The following GNB1L variants were observed in gnomAD, a reference collection of about 807,000 sequenced individuals.
GNB1L encodes the protein guanine nucleotide-binding protein subunit beta-like protein 1.
Under a neutral mutation model 29.1 loss-of-function variants are expected in GNB1L, and 20 were observed. The observed-to-expected ratio is 0.69, with a 90% CI of 0.48 to 1.00. The LOEUF (loss-of-function observed/expected upper bound fraction) is 1.00. GNB1L is among the 50% of genes least tolerant of loss of function. The pLI is 0.00. For missense variants in GNB1L, 421 were observed against 464.9 expected (o/e 0.91, Z 0.87); for synonymous variants, 193 against 206.5 (o/e 0.93, Z 0.56).
At chr22:19,840,980 G>GT in intron 2 of GNB1L, among the ~76,000 whole-genome samples, 1 of 152,152 alleles carries the variant, frequency 6.6e-6, no homozygotes, top group East Asian at 1.9e-4. Flanking sequence ...AAAACTTAAG[G>GT]TTATCAACAA....
Position 19,785,346 on chromosome 22 carries a change from T to G in GNB1L, c.*3363A>C, listed in dbSNP as rs1054381089. On this transcript the variant is annotated 3_prime_UTR_variant, in exon 8 of 8. Coordinates refer to ENST00000329517, the MANE Select transcript of GNB1L (RefSeq NM_053004.3). The surrounding 1 kb of genome is among the most constrained non-coding windows in gnomAD (Gnocchi z 4.1). ...ATCGCTTGAACCTGGGAATCAGAGG[T>G]TGCAGTGAGCCGAGACTGCTCCATT... 4 of 152,058 alleles carry G rather than the reference T, an allele frequency of 2.6e-5. No homozygotes were observed. The highest frequency in any genetic ancestry group is 4.8e-5 in the African/African-American group (2 of 41,258). 9.4% of individuals were successfully genotyped at this position (152,058 alleles called of 1,614,324 possible).
At chr22:19,841,733 T>C (rs1199907554) in intron 2 of GNB1L, among the ~76,000 whole-genome samples, 1 of 152,010 alleles carries the variant, frequency 6.6e-6, no homozygotes, top group Non-Finnish European at 1.5e-5. Flanking sequence ...TATAAATTCA[T>C]CAACAGTGCC....
intron 2 of GNB1L, chr22:19,848,617 A>G (rs1314911394): frequency 3.0e-6 from 3 of 985,252 alleles, no homozygotes; most frequent in Non-Finnish European, 3.6e-6. Context: ...ACCACAATAA[A>G]CAGGACGCGT....
At chr22:19,851,517 C>T (rs147446411) in intron 2 of GNB1L, 11 of 1,614,018 alleles carry the variant, frequency 6.8e-6, no homozygotes, top group African/African-American at 5.3e-5. Context: ...CTTCTAGATA[C>T]AGAGTTGGAC....
chr22:19,798,122 C>T (rs927913008), intron 7 of GNB1L, among the ~76,000 whole-genome samples: 4 of 151,490 alleles, frequency 2.6e-5, no homozygotes, highest in East Asian at 1.9e-4. Flanking sequence ...CCCCACTTGG[C>T]TCCCTGTGAC....
Position 19,834,071 on chromosome 22 carries a change from G to A in GNB1L, c.-20-12696C>T, listed in dbSNP as rs116796590. On this transcript the variant is annotated intron_variant, in intron 2 of 7. Coordinates refer to ENST00000329517, the MANE Select transcript of GNB1L (RefSeq NM_053004.3). ...GAAGTAGAAGAGAGAAACAGATTTGGACCCAAAAATTAATTGAATAAATAA... is the reference window on the plus strand; with the variant it reads ...GAAGTAGAAGAGAGAAACAGATTTGAACCCAAAAATTAATTGAATAAATAA... Among the ~76,000 whole-genome samples the A allele has an allele frequency of 9.8e-3, 1,482 of 151,872 alleles. 24 individuals carry two copies. Among genetic ancestry groups the A allele is most frequent in the African/African-American group, 0.034 (1,421 of 41,436 alleles).
In GNB1L at chr22:19,783,328, G is replaced by C. The variant is rs1458311817; in HGVS notation, c.*5381C>G. 1.8e-5 allele frequency: 7 copies of C among 388,218 alleles called. No individual in the cohort carries two copies. The highest frequency in any genetic ancestry group is 3.5e-5 in the Non-Finnish European group (7 of 201,860). 24.0% of individuals were successfully genotyped at this position (388,218 alleles called of 1,614,324 possible). On this transcript the variant is annotated 3_prime_UTR_variant, in exon 8 of 8. Transcript: ENST00000329517. Reference sequence around the variant, plus strand: ...ACATTTTACAGGTTTCAGAGCCCAAGTCAGGAGGTCAAGTGTGCATGCAAG... The same window carrying C: ...ACATTTTACAGGTTTCAGAGCCCAACTCAGGAGGTCAAGTGTGCATGCAAG...
chr22:19,806,931 C>T (rs933827105), intron 5 of GNB1L, among the ~76,000 whole-genome samples, 174 bp from the exon 6 acceptor site: 7 of 152,230 alleles, frequency 4.6e-5, no homozygotes, highest in South Asian at 4.1e-4. Flanking sequence ...CCTTGCAAAA[C>T]GCTCTCACTG....
chr22:19,788,705 T>C lies in GNB1L; in HGVS notation c.*4A>G, dbSNP rs752902364. The C allele has an allele frequency of 6.2e-7, 1 of 1,611,150 alleles. No individual in the cohort carries two copies. Among genetic ancestry groups the C allele is most frequent in the African/African-American group, 1.3e-5 (1 of 74,974 alleles). ...CCTCGTCTCCCGGGAAGGGAGTGGG[T>C]GAGTCATGCGCGTGGGTAGAGTGAC... On this transcript the variant is annotated 3_prime_UTR_variant, in exon 8 of 8. Transcript: ENST00000329517.
Position 19,821,127 on chromosome 22 carries a change from C to A in GNB1L, c.128+101G>T, listed in dbSNP as rs540073842. ...AAGCCTGGGTGGCGAGCAGTCCATG[C>A]CCCTTGGCCAGCACCCTCAAACAAG... On this transcript the variant is annotated intron_variant, in intron 3 of 7. Transcript: ENST00000329517. 33 of 1,220,194 alleles carry A rather than the reference C, an allele frequency of 2.7e-5. 1 individual carries two copies. In the African/African-American group the frequency reaches 3.9e-4, roughly 14 times the overall value. The allele number at this position is 1,220,194 out of a possible 1,614,324, so 75.6% of individuals were successfully genotyped here.
chr22:19,854,714 G>C (rs1315230777), intron 1 of GNB1L, 106 bp downstream of exon 1: 1 of 152,534 alleles, frequency 6.6e-6, no homozygotes, highest in East Asian at 1.9e-4. Flanking sequence ...GGGGCTCCGA[G>C]TGCCCCTCTG....
chr22:19,819,228 C>T lies in GNB1L; in HGVS notation c.254+1370G>A, dbSNP rs534855303. Among the ~76,000 whole-genome samples, 7 of 152,374 alleles carry T rather than the reference C, an allele frequency of 4.6e-5. No homozygotes were observed. In the South Asian group the frequency reaches 8.3e-4, roughly 18 times the overall value. ...GGACTGCCAGGCCCTCTTATTCCTC[C>T]GCCACCTCCTGCTTACCCAGCAGCT... On this transcript the variant is annotated intron_variant, in intron 4 of 7. Coordinates refer to ENST00000329517, the MANE Select transcript of GNB1L (RefSeq NM_053004.3).
At chr22:19,817,627 A>G (rs967922091) in intron 4 of GNB1L, among the ~76,000 whole-genome samples, 12 of 152,264 alleles carry the variant, frequency 7.9e-5, no homozygotes, top group Admixed American at 6.5e-4. Context: ...CAAAGAAAAA[A>G]GCAGACAAAA....
At chr22:19,803,128 C>T (rs896742310) in intron 6 of GNB1L, among the ~76,000 whole-genome samples, 61 of 152,202 alleles carry the variant, frequency 4.0e-4, no homozygotes, top group African/African-American at 1.4e-3. Flanking sequence ...TAGCCAGGCC[C>T]GGAGCCCGAG....
At chr22:19,797,472 C>T (rs184592183) in intron 7 of GNB1L, among the ~76,000 whole-genome samples, 2 of 152,288 alleles carry the variant, frequency 1.3e-5, no homozygotes, top group African/African-American at 2.4e-5. Context: ...AAGAAGAAAA[C>T]CTGTATGAGT....
At position 19,803,136 on chromosome 22, in the gene GNB1L, G is replaced by A. The variant is rs180780772; in HGVS notation, c.517-920C>T. On this transcript the variant is annotated intron_variant, in intron 6 of 7. Coordinates refer to ENST00000329517, the MANE Select transcript of GNB1L (RefSeq NM_053004.3). Reference sequence around the variant, plus strand: ...ACCGGGGTAGCCAGGCCCGGAGCCCGAGGCCAACTGCCCTGACCTGGAGGG... The same window carrying A: ...ACCGGGGTAGCCAGGCCCGGAGCCCAAGGCCAACTGCCCTGACCTGGAGGG... Among the ~76,000 whole-genome samples, 287 of 152,330 alleles carry A rather than the reference G, an allele frequency of 1.9e-3. 1 individual carries two copies. The highest frequency in any genetic ancestry group is 6.6e-3 in the African/African-American group (274 of 41,574).
chr22:19,821,617 T>G (rs1393294729), intron 2 of GNB1L, among the ~76,000 whole-genome samples: 1 of 152,150 alleles, frequency 6.6e-6, no homozygotes, highest in Non-Finnish European at 1.5e-5. Flanking sequence ...CTTCCCCCAC[T>G]GCTGGGGGAA....
intron 5 of GNB1L, among the ~76,000 whole-genome samples, chr22:19,811,949 G>A (rs1003404720): frequency 7.2e-5 from 11 of 151,898 alleles, no homozygotes; most frequent in East Asian, 5.9e-4. Context: ...CTCCCCTGCC[G>A]TTCCTGCCGG....
Position 19,802,029 on chromosome 22 carries a change from C to T in GNB1L, c.704G>A (p.Trp235Ter). ...SGSAGKALAV[W>*]SLDWQQALQV... The stretch of plus-strand genomic sequence containing the variant: ...CAGGGCCTGCTGCCAGTCCAGGCTC[C>T]AGACAGCCAGCGCCTTCCCCGCGGA... The change falls in exon 7 of 8, where the codon TGG (tryptophan) becomes TAG (stop). Residue 235 changes from tryptophan (W) to a stop codon, truncating the protein, a stop_gained. Coordinates refer to ENST00000329517, the MANE Select transcript of GNB1L (RefSeq NM_053004.3). LOFTEE classifies it high-confidence loss of function. 6.2e-7 allele frequency: 1 copy of T among 1,601,604 alleles called. No homozygotes were observed. Among genetic ancestry groups the T allele is most frequent in the African/African-American group, 1.3e-5 (1 of 74,790 alleles).
Sources: allele counts gnomAD v4.1 joint callset (sites outside exome capture counted in the v4.1 genomes callset), GRCh38; gene constraint gnomAD v4.1.1; non-coding constraint Gnocchi (gnomAD v3.1); transcripts MANE v1.5; gene names NCBI Gene and HGNC (gene_info 2026-07-23, HGNC 2026-07-21).